The following CDH12 variants were observed in gnomAD, a reference collection of about 807,000 sequenced individuals.
CDH12 encodes the protein cadherin 12.
A neutral mutation model predicts 74.1 loss-of-function variants in CDH12; 41 were observed. The ratio of observed to expected loss-of-function variants is 0.55; its 90% CI spans 0.43 to 0.72. CDH12 has a LOEUF of 0.72. Ranked by LOEUF, CDH12 falls within the 30% of genes least tolerant of loss-of-function variation. CDH12 has a pLI of 0.00. For missense variants in CDH12, 945 were observed against 977.2 expected (o/e 0.97, Z 0.44); for synonymous variants, 399 against 355.0 (o/e 1.12, Z -1.39).
At chr5:22,025,878 T>C (rs1036388858) in intron 5 of CDH12, among the ~76,000 whole-genome samples, 8 of 152,286 alleles carry the variant, frequency 5.3e-5, no homozygotes, top group Admixed American at 2.6e-4. Context: ...CCTCATTCAT[T>C]AAAGTTTAAT....
chr5:22,769,060 G>A (rs1314699275), intron 1 of CDH12, among the ~76,000 whole-genome samples: 1 of 152,128 alleles, frequency 6.6e-6, no homozygotes, highest in Non-Finnish European at 1.5e-5. Context: ...ACAACTTAAA[G>A]CTTTTTCTTA....
intron 1 of CDH12, among the ~76,000 whole-genome samples, chr5:22,799,497 A>G (rs895836600): frequency 2.6e-5 from 4 of 152,184 alleles, no homozygotes; most frequent in Non-Finnish European, 5.9e-5. Context: ...GAGTTAATGG[A>G]TTGGAAACTA....
intron 1 of CDH12, among the ~76,000 whole-genome samples, chr5:22,802,102 C>T (rs982266214): frequency 3.0e-4 from 46 of 150,966 alleles, no homozygotes; most frequent in Non-Finnish European, 5.6e-4. Flanking sequence ...GCTGCTCAAA[C>T]AGAATATTAA....
chr5:22,837,975 GA>G (rs1736908016), intron 1 of CDH12, among the ~76,000 whole-genome samples: 1 of 152,158 alleles, frequency 6.6e-6, no homozygotes, highest in Non-Finnish European at 1.5e-5. Context: ...GATGGTTGCT[GA>G]TTGAGAATTG....
chr5:22,322,851 A>G (rs899663495), intron 3 of CDH12, among the ~76,000 whole-genome samples: 1 of 152,152 alleles, frequency 6.6e-6, no homozygotes, highest in Admixed American at 6.6e-5. Flanking sequence ...TGCAAACTCA[A>G]TTACAGCCTG....
At chr5:22,799,729 T>G (rs937834828) in intron 1 of CDH12, among the ~76,000 whole-genome samples, 10 of 152,176 alleles carry the variant, frequency 6.6e-5, no homozygotes, top group African/African-American at 2.2e-4. Flanking sequence ...GAATACTTAT[T>G]GAACACTTTG....
At chr5:22,674,286 T>C (rs935929191) in intron 1 of CDH12, among the ~76,000 whole-genome samples, 2 of 152,174 alleles carry the variant, frequency 1.3e-5, no homozygotes, top group Non-Finnish European at 2.9e-5. Flanking sequence ...GTTCTCATTA[T>C]AGTGAATAAG....
In CDH12 at chr5:22,209,512, C is replaced by A. The variant is rs188597796; in HGVS notation, c.-187+2986G>T. ...AATTAACACTGAATTTATACCTCTACATTTTATTTTATTTTATCCTGAGAG... is the reference window on the plus strand; with the variant it reads ...AATTAACACTGAATTTATACCTCTAAATTTTATTTTATTTTATCCTGAGAG... On this transcript the variant is annotated intron_variant, in intron 4 of 14. Coordinates refer to ENST00000382254, the MANE Select transcript of CDH12 (RefSeq NM_004061.5). Among the ~76,000 whole-genome samples, 202 of 152,174 alleles carry A rather than the reference C, an allele frequency of 1.3e-3. 1 individual carries two copies. Among genetic ancestry groups the A allele is most frequent in the Admixed American group, 9.2e-3 (141 of 15,290 alleles).
At chr5:22,810,503 A>T (rs1218795312) in intron 1 of CDH12, among the ~76,000 whole-genome samples, 1 of 152,084 alleles carries the variant, frequency 6.6e-6, no homozygotes, top group African/African-American at 2.4e-5. Flanking sequence ...CATTCAATGG[A>T]TACCTCAATT....
chr5:22,455,824 G>A (rs1199457239), intron 2 of CDH12, among the ~76,000 whole-genome samples: 1 of 152,180 alleles, frequency 6.6e-6, no homozygotes, highest in African/African-American at 2.4e-5. Flanking sequence ...AGCTAGGGAT[G>A]TGAGATACCA....
chr5:22,685,419 G>T (rs9293034), intron 1 of CDH12, among the ~76,000 whole-genome samples: 76,708 of 151,812 alleles, frequency 0.51, 20,007 homozygotes, highest in Non-Finnish European at 0.57. Context: ...TGTATTTTTA[G>T]TAGAAATGGG....
intron 1 of CDH12, among the ~76,000 whole-genome samples, chr5:22,693,758 TTA>T (rs10546591): frequency 0.74 from 111,367 of 151,068 alleles, 41,825 homozygotes; most frequent in African/African-American, 0.88. Context: ...TTTATTGAAT[TTA>T]TATATATATA....
At chr5:22,551,298 T>A (rs1738557676) in intron 1 of CDH12, among the ~76,000 whole-genome samples, 1 of 152,158 alleles carries the variant, frequency 6.6e-6, no homozygotes, top group South Asian at 2.1e-4. Context: ...TTCTGGCACC[T>A]TGGTCTTAGA....
intron 11 of CDH12, chr5:21,779,491 AG>A (rs1561177646): frequency 6.6e-6 from 1 of 152,222 alleles, no homozygotes; most frequent in Non-Finnish European, 1.5e-5. Flanking sequence ...AAAATACTCA[AG>A]GTTAATATAA....
At chr5:21,883,199 TG>T in intron 6 of CDH12, 3 of 1,413,494 alleles carry the variant, frequency 2.1e-6, no homozygotes, top group Non-Finnish European at 1.0e-6. Flanking sequence ...CAGTAAAGGA[TG>T]GAAAAACACT....
At chr5:22,343,331 G>A (rs879584642) in intron 3 of CDH12, among the ~76,000 whole-genome samples, 1 of 120,300 alleles carries the variant, frequency 8.3e-6, no homozygotes, top group Non-Finnish European at 1.7e-5. Context: ...CACAGAGAGA[G>A]AGAGAGAGAG....
chr5:22,535,416 A>G (rs1737802001), intron 1 of CDH12, among the ~76,000 whole-genome samples: 1 of 151,972 alleles, frequency 6.6e-6, no homozygotes, highest in Non-Finnish European at 1.5e-5. Flanking sequence ...TTGGCCTCCC[A>G]AAGTGCTGGG....
At chr5:22,114,473 A>G (rs1744980524) in intron 4 of CDH12, among the ~76,000 whole-genome samples, 1 of 152,182 alleles carries the variant, frequency 6.6e-6, no homozygotes, top group African/African-American at 2.4e-5. Context: ...AGTCACAAAG[A>G]ATTAGATTCC....
intron 6 of CDH12, among the ~76,000 whole-genome samples, chr5:21,927,922 A>G (rs1291860688): frequency 6.6e-6 from 1 of 151,856 alleles, no homozygotes; most frequent in East Asian, 2.0e-4. Context: ...ACAAAAAAAA[A>G]TTAGCTGGGC....
Sources: allele counts gnomAD v4.1 joint callset (sites outside exome capture counted in the v4.1 genomes callset), GRCh38; gene constraint gnomAD v4.1.1; transcripts MANE v1.5; gene names NCBI Gene and HGNC (gene_info 2026-07-23, HGNC 2026-07-21).